Variants in RBFOX1 observed in about 807,000 individuals in gnomAD.
RBFOX1 encodes the protein RNA binding protein fox-1 homolog 1.
Under a neutral mutation model 57.7 loss-of-function variants are expected in RBFOX1, and 8 were observed. The observed-to-expected ratio is 0.14, with a 90% CI of 0.08 to 0.25. The LOEUF is 0.25. RBFOX1 is among the 10% of genes least tolerant of loss of function. The probability of loss-of-function intolerance (pLI) is 1.00; values close to 1 mark genes in which losing one functional copy is unlikely to be tolerated. For missense variants in RBFOX1, 611 were observed against 548.5 expected, an observed-to-expected ratio of 1.11 and a Z score of -1.14; for synonymous variants, 326 against 222.4, an observed-to-expected ratio of 1.47 and a Z score of -4.15.
chr16:6,224,489 C>G (rs984108219), intron 1 of RBFOX1, among the ~76,000 whole-genome samples: 8 of 151,936 alleles, frequency 5.3e-5, no homozygotes, highest in African/African-American at 1.7e-4. Context: ...GTCTATGGAC[C>G]ACACTTGGAG....
At position 7,184,447 on chromosome 16, in the gene RBFOX1, G is replaced by T. The variant is rs577325898; in HGVS notation, c.27+132349G>T. On this transcript the variant is annotated intron_variant, in intron 4 of 15. Coordinates refer to ENST00000550418, the MANE Select transcript of RBFOX1 (RefSeq NM_018723.4). ...ATCCACAAACACCTCATGACCCAGGGTGTCTGTTCATCTGCATTGCATGCA... is the reference window on the plus strand; with the variant it reads ...ATCCACAAACACCTCATGACCCAGGTTGTCTGTTCATCTGCATTGCATGCA... Among the ~76,000 whole-genome samples the T allele has an allele frequency of 2.0e-4, 30 of 152,318 alleles. No homozygotes were observed. In the South Asian group the frequency reaches 5.8e-3, roughly 29 times the overall value.
In RBFOX1 at chr16:5,579,786, G is replaced by A. The variant is rs73519512; in HGVS notation, c.259-19116G>A. On this transcript the variant is annotated intron_variant, in intron 2 of 2. Coordinates refer to the RBFOX1 transcript ENST00000585867. ...TTTTTTTTTTTTTCCTTGAGAAGGA[G>A]TCTCGCTCTGTTGCCTAGGCTGGGG... Among the ~76,000 whole-genome samples, 510 of 150,140 alleles carry A rather than the reference G, an allele frequency of 3.4e-3. 3 individuals are homozygous for A. Among genetic ancestry groups the A allele is most frequent in the African/African-American group, 0.012 (477 of 40,510 alleles).
At chr16:7,078,371 G>A (rs889821260) in intron 4 of RBFOX1, among the ~76,000 whole-genome samples, 1 of 152,094 alleles carries the variant, frequency 6.6e-6, no homozygotes, top group African/African-American at 2.4e-5. Context: ...TTATTTAGAT[G>A]GAGTGTCACT....
At chr16:5,376,478 A>C (rs574302138) in intron 1 of RBFOX1, among the ~76,000 whole-genome samples, 1 of 152,192 alleles carries the variant, frequency 6.6e-6, no homozygotes, top group East Asian at 1.9e-4. Flanking sequence ...GGACAGGAGA[A>C]GGGTTAGGGA....
intron 2 of RBFOX1, among the ~76,000 whole-genome samples, chr16:6,552,118 A>T (rs1254086069): frequency 6.6e-6 from 1 of 152,206 alleles, no homozygotes; most frequent in East Asian, 1.9e-4. Context: ...CTGCTGGGAC[A>T]ATAATGTTCT....
rs187576907 is a variant in RBFOX1, at chr16:5,786,103, G to T, written c.319-81200G>T. Among the ~76,000 whole-genome samples, 416 of 152,200 alleles carry T rather than the reference G, an allele frequency of 2.7e-3. 3 individuals carry two copies. The highest frequency in any genetic ancestry group is 9.4e-3 in the African/African-American group (389 of 41,542). ...TGATCCAAAACCCTTAAGATGCTTT[G>T]CAAGGCCCTTGGTGATTCAGACTTT... On this transcript the variant is annotated intron_variant, in intron 3 of 19. Coordinates refer to the RBFOX1 transcript ENST00000641259.
intron 2 of RBFOX1, among the ~76,000 whole-genome samples, chr16:5,469,041 T>A (rs1170177034): frequency 6.6e-6 from 1 of 152,252 alleles, no homozygotes; most frequent in Non-Finnish European, 1.5e-5. Context: ...CTGCAGGACC[T>A]GGTGGGGATG....
chr16:6,241,857 C>T (rs935700551), intron 1 of RBFOX1, among the ~76,000 whole-genome samples: 3 of 152,134 alleles, frequency 2.0e-5, no homozygotes, highest in African/African-American at 7.2e-5. Flanking sequence ...ACATGGTGAA[C>T]TGCAAAAGCC....
intron 1 of RBFOX1, among the ~76,000 whole-genome samples, chr16:6,208,683 T>C (rs1470484476): frequency 1.3e-5 from 2 of 152,212 alleles, no homozygotes; most frequent in African/African-American, 4.8e-5. Context: ...TTCAAATGAA[T>C]GGCCACTGCT....
chr16:6,857,257 T>A (rs569427964), intron 3 of RBFOX1, among the ~76,000 whole-genome samples: 47 of 152,264 alleles, frequency 3.1e-4, no homozygotes, highest in African/African-American at 1.1e-3. Context: ...CTCCCCAATC[T>A]CTAAATAAAT....
Position 7,157,808 on chromosome 16 carries a change from T to C in RBFOX1, c.27+105710T>C, listed in dbSNP as rs532866811. ...AAATTGGATTTACATGTTTTCCCTT[T>C]GGTTTTAAAGAAAATGTAGATAAAA... On this transcript the variant is annotated intron_variant, in intron 4 of 15. Coordinates refer to ENST00000550418, the MANE Select transcript of RBFOX1 (RefSeq NM_018723.4). 3.9e-5 allele frequency among the ~76,000 whole-genome samples: 6 copies of C among 152,310 alleles called. No individual in the cohort carries two copies. The East Asian group carries it at 9.6e-4, about 24-fold the overall frequency.
At chr16:5,656,131 G>A (rs1400510149) in intron 3 of RBFOX1, among the ~76,000 whole-genome samples, 2 of 152,164 alleles carry the variant, frequency 1.3e-5, no homozygotes, top group African/African-American at 4.8e-5. Flanking sequence ...ATGATTTGGG[G>A]CTTAGGGAAA....
At chr16:5,560,771 C>T (rs2045862390) in intron 2 of RBFOX1, among the ~76,000 whole-genome samples, 3 of 152,210 alleles carry the variant, frequency 2.0e-5, no homozygotes, top group Non-Finnish European at 2.9e-5. Flanking sequence ...TACCTATGAG[C>T]TCCATGCTGC....
intron 4 of RBFOX1, among the ~76,000 whole-genome samples, chr16:7,496,250 C>G (rs953916665): frequency 5.9e-5 from 9 of 152,188 alleles, no homozygotes; most frequent in African/African-American, 2.2e-4. Context: ...TCAAGTGATT[C>G]TCTTGCCTCA....
chr16:7,132,687 G>C (rs1023166141), intron 4 of RBFOX1, among the ~76,000 whole-genome samples: 9 of 151,888 alleles, frequency 5.9e-5, no homozygotes, highest in African/African-American at 2.2e-4. Context: ...CTTCAGCATG[G>C]ATATTCCTTG....
At chr16:7,582,337 T>A (rs34101400) in intron 6 of RBFOX1, among the ~76,000 whole-genome samples, 4,131 of 152,276 alleles carry the variant, frequency 0.027, 95 homozygotes, top group South Asian at 0.096. Flanking sequence ...TCCCTTTTTT[T>A]AAAAGTATGC....
intron 3 of RBFOX1, among the ~76,000 whole-genome samples, chr16:5,808,665 T>G (rs1387852075): frequency 1.3e-5 from 2 of 152,196 alleles, no homozygotes; most frequent in Non-Finnish European, 2.9e-5. Context: ...CTAGGTATTT[T>G]ATTCTCTTTG....
At chr16:7,565,250 T>TTC (rs35639554) in intron 5 of RBFOX1, among the ~76,000 whole-genome samples, 2 of 151,194 alleles carry the variant, frequency 1.3e-5, no homozygotes, top group African/African-American at 4.9e-5. Flanking sequence ...GTGGAGTTGA[T>TTC]CTGGTATGCA....
chr16:5,803,269 C>T (rs1289979171), intron 3 of RBFOX1, among the ~76,000 whole-genome samples: 1 of 152,174 alleles, frequency 6.6e-6, no homozygotes, highest in Admixed American at 6.5e-5. Flanking sequence ...CTTGGTTCGT[C>T]TCTGACAAAC....
Sources: gnomAD v4.1 joint callset for allele counts (sites outside exome capture counted in the v4.1 genomes callset) on GRCh38, gnomAD v4.1.1 for gene constraint, MANE v1.5 for transcripts, NCBI Gene and HGNC (gene_info 2026-07-23, HGNC 2026-07-21) for gene names.